ARHGAP26: variants seen among roughly 807,000 people sequenced by gnomAD.
The protein encoded by ARHGAP26 is rho GTPase-activating protein 26.
A neutral mutation model predicts 104.8 loss-of-function variants in ARHGAP26; 38 were observed. The ratio of observed to expected loss-of-function variants is 0.36; its 90% CI spans 0.28 to 0.48. The LOEUF is 0.48. Ranked by LOEUF, ARHGAP26 falls within the 20% of genes least tolerant of loss-of-function variation. The pLI is 0.99. For synonymous variants in ARHGAP26, 341 were observed against 340.0 expected (o/e 1.00, Z -0.03); for missense variants, 704 against 947.9 (o/e 0.74, Z 3.38).
intron 12 of ARHGAP26, among the ~76,000 whole-genome samples, chr5:143,029,701 G>A (rs1781596574): frequency 6.6e-6 from 1 of 152,094 alleles, no homozygotes; most frequent in Non-Finnish European, 1.5e-5. Context: ...GAGCCAGGGT[G>A]CTCAACCTCA....
At chr5:143,009,292 A>G (rs990396495) in intron 11 of ARHGAP26, among the ~76,000 whole-genome samples, 2 of 152,062 alleles carry the variant, frequency 1.3e-5, no homozygotes, top group Non-Finnish European at 2.9e-5. Flanking sequence ...CACCTTTATC[A>G]TCGTCAGCAT....
At chr5:143,158,984 T>C (rs1800858055) in intron 20 of ARHGAP26, among the ~76,000 whole-genome samples, 1 of 152,200 alleles carries the variant, frequency 6.6e-6, no homozygotes, top group Non-Finnish European at 1.5e-5. Context: ...GGAGGGTTTA[T>C]TAACAAAAGA....
At chr5:143,135,492 C>G (rs1041446053) in intron 19 of ARHGAP26, among the ~76,000 whole-genome samples, 2 of 152,142 alleles carry the variant, frequency 1.3e-5, no homozygotes, top group African/African-American at 4.8e-5. Flanking sequence ...GGATTGGTAT[C>G]TTTCTTTTTG....
At chr5:142,796,967 G>A (rs1761102941) in intron 1 of ARHGAP26, among the ~76,000 whole-genome samples, 1 of 152,186 alleles carries the variant, frequency 6.6e-6, no homozygotes, top group African/African-American at 2.4e-5. Context: ...CTATAGCGTG[G>A]TGTCAGAAAC....
chr5:143,208,793 G>T (rs1056254242), intron 21 of ARHGAP26, among the ~76,000 whole-genome samples: 1 of 152,236 alleles, frequency 6.6e-6, no homozygotes, highest in Non-Finnish European at 1.5e-5. Flanking sequence ...TGTCCTGGAT[G>T]ATGGGAAGGA....
At chr5:142,926,515 T>A (rs907702502) in intron 10 of ARHGAP26, among the ~76,000 whole-genome samples, 1 of 152,210 alleles carries the variant, frequency 6.6e-6, no homozygotes, top group African/African-American at 2.4e-5. Flanking sequence ...CTTGGCAGAT[T>A]TTTTAGAATT....
chr5:142,844,935 C>T lies in ARHGAP26; in HGVS notation c.155-28465C>T, dbSNP rs10077909. On this transcript the variant is annotated intron_variant, in intron 1 of 22. Coordinates refer to ENST00000645722, the MANE Select transcript of ARHGAP26 (RefSeq NM_001135608.3). ...TTGCAGGCTATTCCTCCCCTGCTCT[C>T]TGATGCCTGCTGAACTTAACTGAGA... 9.6e-3 allele frequency among the ~76,000 whole-genome samples: 1,455 copies of T among 152,066 alleles called. 24 individuals are homozygous for T. Among genetic ancestry groups the T allele is most frequent in the African/African-American group, 0.034 (1,399 of 41,482 alleles).
intron 9 of ARHGAP26, among the ~76,000 whole-genome samples, chr5:142,910,719 A>G (rs1207175904): frequency 6.6e-6 from 1 of 152,230 alleles, no homozygotes; most frequent in Non-Finnish European, 1.5e-5. Flanking sequence ...AGCCTGGGCG[A>G]CAGTGCGAGA....
intron 12 of ARHGAP26, among the ~76,000 whole-genome samples, chr5:143,033,640 A>G (rs1268772834): frequency 6.6e-6 from 1 of 152,192 alleles, no homozygotes; most frequent in Non-Finnish European, 1.5e-5. Context: ...TCAGAGGGTA[A>G]AGAAATAGCC....
chr5:143,149,782 G>A (rs1562511123), intron 20 of ARHGAP26, among the ~76,000 whole-genome samples: 1 of 152,156 alleles, frequency 6.6e-6, no homozygotes, highest in Non-Finnish European at 1.5e-5. Flanking sequence ...GAACAAAGGT[G>A]GGCTGGGAGG....
intron 1 of ARHGAP26, among the ~76,000 whole-genome samples, chr5:142,820,798 A>T (rs1646368991): frequency 6.6e-6 from 1 of 152,268 alleles, no homozygotes; most frequent in Middle Eastern, 3.2e-3. Context: ...TGTGTCAGGC[A>T]CATCACGTAT....
chr5:143,157,645 C>G (rs1434181050), intron 20 of ARHGAP26, among the ~76,000 whole-genome samples: 5 of 152,202 alleles, frequency 3.3e-5, no homozygotes, highest in African/African-American at 1.2e-4. Flanking sequence ...AAATGCTATT[C>G]TAAATCGACA....
intron 17 of ARHGAP26, among the ~76,000 whole-genome samples, chr5:143,113,101 G>C (rs1414833051): frequency 1.3e-5 from 2 of 152,184 alleles, no homozygotes; most frequent in Non-Finnish European, 2.9e-5. Context: ...ATTTTAAATA[G>C]GGAATGGAGT....
At position 142,894,136 on chromosome 5, in the gene ARHGAP26, T is replaced by C. The variant is rs188444701; in HGVS notation, c.487-102T>C. On this transcript the variant is annotated intron_variant, in intron 5 of 22. Coordinates refer to ENST00000645722, the MANE Select transcript of ARHGAP26 (RefSeq NM_001135608.3). ...TCTGTGTAATGCTATTTGATTTGTT[T>C]TTGAAAATTATCTCCCGAGATTTTT... The C allele has an allele frequency of 1.0e-5, 9 of 858,780 alleles. No individual in the cohort carries two copies. The East Asian group carries it at 2.1e-4, about 20-fold the overall frequency. 53.2% of individuals were successfully genotyped at this position (858,780 alleles called of 1,614,324 possible). A position where few individuals can be genotyped will look rare whatever the true frequency, so the allele number is the denominator to read the frequency against.
intron 20 of ARHGAP26, among the ~76,000 whole-genome samples, chr5:143,182,897 C>T (rs933314602): frequency 1.6e-4 from 25 of 152,198 alleles, no homozygotes; most frequent in African/African-American, 6.0e-4. Flanking sequence ...TTGTAGTCCT[C>T]CTAATCCTGT....
At chr5:142,920,846 G>A (rs997790136) in intron 10 of ARHGAP26, among the ~76,000 whole-genome samples, 1 of 152,142 alleles carries the variant, frequency 6.6e-6, no homozygotes, top group African/African-American at 2.4e-5. Context: ...AAACCTGGAG[G>A]GCCAGAATAC....
At chr5:142,855,796 A>G (rs1160227351) in intron 1 of ARHGAP26, among the ~76,000 whole-genome samples, 2 of 152,222 alleles carry the variant, frequency 1.3e-5, no homozygotes, top group Non-Finnish European at 2.9e-5. Flanking sequence ...GAGGCTACTA[A>G]TGACTGACTT....
At chr5:143,152,914 C>G (rs1196350291) in intron 20 of ARHGAP26, among the ~76,000 whole-genome samples, 1 of 152,184 alleles carries the variant, frequency 6.6e-6, no homozygotes, top group Non-Finnish European at 1.5e-5. Flanking sequence ...TCCCAGACAA[C>G]CTATAGATTC....
chr5:143,058,004 A>G (rs923132241), intron 17 of ARHGAP26: 1 of 630,832 alleles, frequency 1.6e-6, no homozygotes, highest in Non-Finnish European at 3.0e-6. Flanking sequence ...GATTTTACCT[A>G]TGGTGATCAA....
Sources: allele counts gnomAD v4.1 joint callset (sites outside exome capture counted in the v4.1 genomes callset), GRCh38; gene constraint gnomAD v4.1.1; transcripts MANE v1.5; gene names NCBI Gene and HGNC (gene_info 2026-07-23, HGNC 2026-07-21).